Variants in ZCWPW1 observed in about 807,000 individuals in gnomAD.
The protein encoded by ZCWPW1 is zinc finger CW-type PWWP domain protein 1.
Under a neutral mutation model 81.3 loss-of-function variants are expected in ZCWPW1, and 56 were observed. The observed-to-expected ratio is 0.69, with a 90% CI of 0.56 to 0.86. The LOEUF (loss-of-function observed/expected upper bound fraction) is 0.86, where lower values mean the gene tolerates loss of function less well. ZCWPW1 is among the 40% of genes least tolerant of loss of function. The pLI, the probability that ZCWPW1 is intolerant of heterozygous loss-of-function variation, is 0.00. For synonymous variants in ZCWPW1, 250 were observed against 273.7 expected (o/e 0.91, Z 0.86); for missense variants, 650 against 769.8 (o/e 0.84, Z 1.84).
At chr7:100,408,501 T>C in intron 10 of ZCWPW1, 38 bp downstream of exon 10, 1 of 1,602,082 alleles carries the variant, frequency 6.2e-7, no homozygotes, top group East Asian at 2.2e-5. Flanking sequence ...CTCTCCCAAG[T>C]TTGTGAAGGA....
chr7:100,407,211 T>C lies in ZCWPW1; in HGVS notation c.1068+17A>G. On this transcript the variant is annotated intron_variant, in intron 11 of 17. Transcript: ENST00000684423. ...CTTTGGCCTGAGCTCCTTCTTACCC[T>C]GAACCAGGAAACTCACCGGCAGGGA... The C allele has an allele frequency of 6.2e-7, 1 of 1,613,120 alleles. No homozygotes were observed. The highest frequency in any genetic ancestry group is 8.5e-7 in the Non-Finnish European group (1 of 1,179,244).
chr7:100,409,359 A>T, intron 9 of ZCWPW1, 69 bp downstream of exon 9: 1 of 1,233,170 alleles, frequency 8.1e-7, no homozygotes, highest in Non-Finnish European at 1.2e-6. Context: ...TTTAATCTAA[A>T]GGATAAGTGC....
At chr7:100,428,214 G>A (rs779128752) in intron 1 of ZCWPW1, among the ~76,000 whole-genome samples, 1 of 152,146 alleles carries the variant, frequency 6.6e-6, no homozygotes, top group Non-Finnish European at 1.5e-5. Context: ...CAGCGACTCC[G>A]CAAGCCCCTC....
rs897519272 is a variant in ZCWPW1, at chr7:100,407,317, T to G, written c.993-14A>C. 6.2e-7 allele frequency: 1 copy of G among 1,611,726 alleles called. No homozygotes were observed. Among genetic ancestry groups the G allele is most frequent in the Non-Finnish European group, 8.5e-7 (1 of 1,178,496 alleles). The stretch of plus-strand genomic sequence containing the variant: ...ATGCCTGGCCACCTGGAGAAGATAG[T>G]TGGGTGTAGGGGACAGAAGAGAAGG... On this transcript the variant is annotated splice_polypyrimidine_tract_variant and intron_variant, in intron 10 of 17. Transcript: ENST00000684423.
intron 2 of ZCWPW1, 66 bp from the exon 3 acceptor site, chr7:100,420,744 T>C: frequency 2.0e-6 from 3 of 1,521,966 alleles, no homozygotes; most frequent in Non-Finnish European, 1.8e-6. Context: ...TTCTGTCTAC[T>C]TGGGTTCAGA....
intron 15 of ZCWPW1, among the ~76,000 whole-genome samples, chr7:100,403,389 G>T (rs1246413657): frequency 6.6e-6 from 1 of 152,048 alleles, no homozygotes; most frequent in South Asian, 2.1e-4. Context: ...ATAATTTTTT[G>T]TATTTTTAGT....
chr7:100,421,103 T>C (rs1048343764), intron 2 of ZCWPW1, among the ~76,000 whole-genome samples: 5 of 152,208 alleles, frequency 3.3e-5, no homozygotes, highest in African/African-American at 7.2e-5. Context: ...TGAGCCAAAA[T>C]TGTGCCCCAG....
chr7:100,417,834 C>T (rs13222543), intron 5 of ZCWPW1, among the ~76,000 whole-genome samples: 1,814 of 152,014 alleles, frequency 0.012, 12 homozygotes, highest in Non-Finnish European at 0.017. Flanking sequence ...GCCTCATGAA[C>T]TTATGGAAAA....
At chr7:100,410,416 A>G (rs144280839) in intron 8 of ZCWPW1, among the ~76,000 whole-genome samples, 1 of 152,320 alleles carries the variant, frequency 6.6e-6, no homozygotes, top group East Asian at 1.9e-4. Context: ...CTCTTGGGAC[A>G]GAAAGTCAGG....
chr7:100,405,352 A>T (rs543474820), intron 12 of ZCWPW1, among the ~76,000 whole-genome samples: 3 of 151,896 alleles, frequency 2.0e-5, no homozygotes, highest in Non-Finnish European at 4.4e-5. Context: ...GCTTGAACCC[A>T]GGAGGCAGAG....
At chr7:100,414,626 AGC>A (rs1210811518) in intron 8 of ZCWPW1, among the ~76,000 whole-genome samples, 1 of 151,954 alleles carries the variant, frequency 6.6e-6, no homozygotes, top group Non-Finnish European at 1.5e-5. Flanking sequence ...GTGTTGCCCA[AGC>A]TGGTCTCAAA....
intron 12 of ZCWPW1, among the ~76,000 whole-genome samples, chr7:100,405,940 A>G (rs1792909206): frequency 6.6e-6 from 1 of 152,140 alleles, no homozygotes; most frequent in South Asian, 2.1e-4. Context: ...AATATTTTCA[A>G]CCAACATTTT....
intron 16 of ZCWPW1, chr7:100,402,259 CAG>C (rs1456141399): frequency 1.2e-6 from 1 of 806,318 alleles, no homozygotes; most frequent in African/African-American, 1.7e-5. Flanking sequence ...CAGTTCTCCT[CAG>C]AGTCTACCTT....
chr7:100,405,244 ATGG>A (rs1300189164), intron 12 of ZCWPW1, 151 bp from the exon 13 acceptor site: 18 of 608,104 alleles, frequency 3.0e-5, no homozygotes, highest in Non-Finnish European at 5.2e-5. Flanking sequence ...CCTGGCCAAG[ATGG>A]TGAAACCCCG....
chr7:100,400,995 G>C lies in ZCWPW1; in HGVS notation c.*19C>G. ...GCGCCCCAGAGAAGGGAGAAAAAGA[G>C]GGAGCAGAGGAGCACCAGCTACTTC... On this transcript the variant is annotated 3_prime_UTR_variant, in exon 18 of 18. Transcript: ENST00000684423. 1 of 1,577,816 alleles carries C rather than the reference G, an allele frequency of 6.3e-7. No individual in the cohort carries two copies. Among genetic ancestry groups the C allele is most frequent in the Non-Finnish European group, 8.6e-7 (1 of 1,160,900 alleles).
Position 100,404,209 on chromosome 7 carries a change from G to T in ZCWPW1, c.1290C>A (p.Phe430Leu). ...TTTCCCCATTACTGTTAGATCCGTTGAATCGGCTCCAGAAACCAAACAAGT... is the reference window on the plus strand; with the variant it reads ...TTTCCCCATTACTGTTAGATCCGTTTAATCGGCTCCAGAAACCAAACAAGT... ...RVNLFGFWSR[F>L]NGSNSNGERK... The change falls in exon 14 of 18, where the codon TTC becomes TTA. Residue 430 changes from phenylalanine (F) to leucine (L), a missense_variant. Phe to Leu is a conservative substitution (Grantham distance 22, BLOSUM62 0). Transcript: ENST00000684423. The T allele has an allele frequency of 6.2e-7, 1 of 1,614,084 alleles. No individual in the cohort carries two copies. Among genetic ancestry groups the T allele is most frequent in the South Asian group, 1.1e-5 (1 of 91,066 alleles).
At chr7:100,425,471 T>C (rs368187598) in intron 1 of ZCWPW1, among the ~76,000 whole-genome samples, 1 of 152,100 alleles carries the variant, frequency 6.6e-6, no homozygotes, top group Non-Finnish European at 1.5e-5. Context: ...GGAAGGTGAA[T>C]GAGGATCTCA....
chr7:100,417,249 A>C, intron 5 of ZCWPW1, 66 bp from the exon 6 acceptor site: 1 of 1,260,156 alleles, frequency 7.9e-7, no homozygotes, highest in Non-Finnish European at 1.1e-6. Context: ...TTACTCCCTA[A>C]CATTTTCTCT....
At chr7:100,409,025 G>GCCT (rs1793644769) in intron 9 of ZCWPW1, among the ~76,000 whole-genome samples, 1 of 151,996 alleles carries the variant, frequency 6.6e-6, no homozygotes, top group Non-Finnish European at 1.5e-5. Context: ...AAAATAATTG[G>GCCT]GCTGGACAAG....
Sources: allele counts gnomAD v4.1 joint callset (sites outside exome capture counted in the v4.1 genomes callset), GRCh38; gene constraint gnomAD v4.1.1; transcripts MANE v1.5; gene names NCBI Gene and HGNC (gene_info 2026-07-23, HGNC 2026-07-21).